Variants in FARS2 observed in about 807,000 individuals in gnomAD.
FARS2 encodes phenylalanyl-tRNA synthetase 2, mitochondrial.
FARS2 carries 40 observed loss-of-function variants against 46.4 expected under a neutral mutation model. The observed-to-expected ratio is 0.86, with a 90% CI of 0.67 to 1.12. FARS2 has a LOEUF of 1.12. FARS2 is among the 50% of genes most tolerant of loss of function. The probability of loss-of-function intolerance (pLI) is 0.00; values close to 1 mark genes in which losing one functional copy is unlikely to be tolerated. For missense variants in FARS2, 513 were observed against 567.9 expected (o/e 0.90, Z 0.98); for synonymous variants, 234 against 214.9 (o/e 1.09, Z -0.78).
intron 6 of FARS2, among the ~76,000 whole-genome samples, chr6:5,760,566 A>C (rs1284427496): frequency 6.6e-6 from 1 of 152,030 alleles, no homozygotes; most frequent in Non-Finnish European, 1.5e-5. Flanking sequence ...TCGCTTTCTT[A>C]ATGATGGATT....
chr6:5,444,582 A>T (rs1006003518), intron 4 of FARS2, among the ~76,000 whole-genome samples: 2 of 151,324 alleles, frequency 1.3e-5, no homozygotes, highest in South Asian at 4.2e-4. Flanking sequence ...AATCAGTGGA[A>T]TGTAAGCTTC....
intron 1 of FARS2, among the ~76,000 whole-genome samples, chr6:5,262,861 A>G (rs1033820405): frequency 1.3e-5 from 2 of 152,236 alleles, no homozygotes; most frequent in African/African-American, 4.8e-5. Flanking sequence ...GAGCAAATCT[A>G]GCCTCTGCTT....
At chr6:5,535,586 G>A (rs9378963) in intron 4 of FARS2, among the ~76,000 whole-genome samples, 8 of 152,098 alleles carry the variant, frequency 5.3e-5, no homozygotes, top group Admixed American at 6.5e-5. Context: ...TCTTGTTCCC[G>A]ATCTAAGTGA....
At chr6:5,453,190 A>G (rs1236159251) in intron 4 of FARS2, among the ~76,000 whole-genome samples, 1 of 152,232 alleles carries the variant, frequency 6.6e-6, no homozygotes. Flanking sequence ...GATATGAGAT[A>G]GTGACATCTG....
chr6:5,376,426 A>G (rs1453841819), intron 2 of FARS2, among the ~76,000 whole-genome samples: 3 of 152,180 alleles, frequency 2.0e-5, no homozygotes, highest in African/African-American at 7.2e-5. Context: ...ATAGCCTTCT[A>G]TTGGGAGTGT....
chr6:5,344,643 C>T (rs960799070), intron 1 of FARS2, among the ~76,000 whole-genome samples: 9 of 152,214 alleles, frequency 5.9e-5, no homozygotes, highest in Admixed American at 2.0e-4. Flanking sequence ...AGTGAGCTTG[C>T]TTGGCTTGGA....
intron 6 of FARS2, among the ~76,000 whole-genome samples, chr6:5,762,419 C>T (rs994380297): frequency 3.3e-5 from 5 of 152,128 alleles, no homozygotes; most frequent in Admixed American, 6.5e-5. Context: ...TAGATTTCCC[C>T]GGAGCAGTTA....
intron 3 of FARS2, among the ~76,000 whole-genome samples, chr6:5,425,180 T>A (rs992594832): frequency 6.6e-6 from 1 of 152,174 alleles, no homozygotes; most frequent in African/African-American, 2.4e-5. Flanking sequence ...CAGTTAATTT[T>A]AAAAAATTAT....
At chr6:5,717,989 A>T (rs1259290409) in intron 6 of FARS2, among the ~76,000 whole-genome samples, 1 of 145,790 alleles carries the variant, frequency 6.9e-6, no homozygotes, top group Non-Finnish European at 1.5e-5. Flanking sequence ...ATCTCTGCTC[A>T]CTGCAACCTC....
chr6:5,576,368 G>A (rs1467661568), intron 5 of FARS2, among the ~76,000 whole-genome samples: 3 of 151,860 alleles, frequency 2.0e-5, no homozygotes, highest in Non-Finnish European at 4.4e-5. Flanking sequence ...AGGCTAGACT[G>A]GCCTAGCCTC....
rs576777701 is a variant in FARS2 at position 5,653,276 on chromosome 6, A to C, written c.1217+39956A>C. 3.9e-5 allele frequency among the ~76,000 whole-genome samples: 6 copies of C among 152,314 alleles called. No individual in the cohort carries two copies. The East Asian group carries it at 1.2e-3, about 29-fold the overall frequency. On this transcript the variant is annotated intron_variant, in intron 6 of 6. Transcript: ENST00000274680. ...ATTTTATAGCAGTTCTTCCTACTACAGGGTAATTATGAACCTGATTTTAAC... is the reference window on the plus strand; with the variant it reads ...ATTTTATAGCAGTTCTTCCTACTACCGGGTAATTATGAACCTGATTTTAAC...
intron 5 of FARS2, chr6:5,610,325 AAG>A: frequency 4.9e-6 from 2 of 408,184 alleles, no homozygotes; most frequent in Non-Finnish European, 8.6e-6. Flanking sequence ...AAAAAAAAAA[AAG>A]AATTATAAAG....
At chr6:5,553,578 A>G (rs1219948025) in intron 5 of FARS2, among the ~76,000 whole-genome samples, 2 of 152,210 alleles carry the variant, frequency 1.3e-5, no homozygotes, top group Non-Finnish European at 1.5e-5. Flanking sequence ...TAGATTATTC[A>G]GAGCCGAAGG....
chr6:5,368,498 G>C (rs1421167789), intron 1 of FARS2, 52 bp from the exon 2 acceptor site: 1 of 1,501,038 alleles, frequency 6.7e-7, no homozygotes, highest in East Asian at 2.3e-5. Flanking sequence ...GAACACACTT[G>C]CTTTCCACAG....
intron 4 of FARS2, among the ~76,000 whole-genome samples, chr6:5,516,059 C>T (rs540236874): frequency 2.0e-5 from 3 of 152,266 alleles, no homozygotes; most frequent in South Asian, 4.1e-4. Flanking sequence ...CTTGCAAATG[C>T]TCCGAGTCTG....
chr6:5,389,717 T>C (rs1760367851), intron 2 of FARS2, among the ~76,000 whole-genome samples: 1 of 152,196 alleles, frequency 6.6e-6, no homozygotes, highest in African/African-American at 2.4e-5. Flanking sequence ...CATTATTATA[T>C]TTGTCTTAAT....
At position 5,343,321 on chromosome 6, in the gene FARS2, C is replaced by T. The variant is rs542361556; in HGVS notation, c.-21-25229C>T. Among the ~76,000 whole-genome samples the T allele has an allele frequency of 2.0e-5, 3 of 152,252 alleles. No homozygotes were observed. Among genetic ancestry groups the T allele is most frequent in the South Asian group, 2.1e-4 (1 of 4,822 alleles). ...TCACCGCCCTGGTTCCAGTGATTCT[C>T]CTGTCTCAGCCTTCCTAGTAGCTGG... On this transcript the variant is annotated intron_variant, in intron 1 of 6. Coordinates refer to ENST00000274680, the MANE Select transcript of FARS2 (RefSeq NM_006567.5). This position sits in a 1 kb window ranked among gnomAD's most constrained non-coding sequence, Gnocchi z 4.5.
At chr6:5,542,658 G>A (rs1003404963) in intron 4 of FARS2, among the ~76,000 whole-genome samples, 1 of 152,154 alleles carries the variant, frequency 6.6e-6, no homozygotes, top group African/African-American at 2.4e-5. Context: ...TGGTTAAGAT[G>A]GCCCCCAGTT....
intron 1 of FARS2, among the ~76,000 whole-genome samples, chr6:5,327,879 C>A (rs1193293880): frequency 6.6e-6 from 1 of 152,150 alleles, no homozygotes; most frequent in East Asian, 1.9e-4. Flanking sequence ...TGCCACTGAC[C>A]CTGTGTTGAC....
Sources: allele counts gnomAD v4.1 joint callset (sites outside exome capture counted in the v4.1 genomes callset), GRCh38; gene constraint gnomAD v4.1.1; non-coding constraint Gnocchi (gnomAD v3.1); transcripts MANE v1.5; gene names NCBI Gene and HGNC (gene_info 2026-07-23, HGNC 2026-07-21).